The following HOMER1 variants were observed in gnomAD, a reference collection of about 807,000 sequenced individuals.
The protein encoded by HOMER1 is homer protein homolog 1.
A neutral mutation model predicts 48.9 loss-of-function variants in HOMER1; 3 were observed. The ratio of observed to expected loss-of-function variants is 0.06; its 90% confidence interval spans 0.03 to 0.16. HOMER1 has a LOEUF of 0.16. Ranked by LOEUF, HOMER1 falls within the 10% of genes least tolerant of loss-of-function variation. The pLI is 1.00. For missense variants in HOMER1, 247 were observed against 411.4 expected (o/e 0.60, Z 3.46); for synonymous variants, 134 against 146.4 (o/e 0.92, Z 0.61).
intron 8 of HOMER1, among the ~76,000 whole-genome samples, chr5:79,381,554 C>G (rs1178750222): frequency 6.6e-6 from 1 of 152,138 alleles, no homozygotes; most frequent in Non-Finnish European, 1.5e-5. Flanking sequence ...ATTATTGATT[C>G]TAAAGAAGCT....
At chr5:79,452,988 A>G (rs1751070452) in intron 2 of HOMER1, among the ~76,000 whole-genome samples, 1 of 152,218 alleles carries the variant, frequency 6.6e-6, no homozygotes, top group African/African-American at 2.4e-5. Flanking sequence ...TCATTCGTTT[A>G]TTCAACTTTA....
At position 79,447,649 on chromosome 5, in the gene HOMER1, A is replaced by T. The variant is rs71634975; in HGVS notation, c.295-504T>A. ...TAATATTTACTATTTTCACTAACTG[A>T]CATAACTAAAAATTTATTTCCGAAG... On this transcript the variant is annotated intron_variant, in intron 3 of 8. Transcript: ENST00000334082. 4.0e-3 allele frequency among the ~76,000 whole-genome samples: 602 copies of T among 152,332 alleles called. 2 individuals carry two copies. The highest frequency in any genetic ancestry group is 5.7e-3 in the Non-Finnish European group (387 of 68,022).
intron 8 of HOMER1, among the ~76,000 whole-genome samples, chr5:79,382,539 C>A (rs142750254): frequency 1.2e-4 from 18 of 152,226 alleles, no homozygotes; most frequent in Non-Finnish European, 2.5e-4. Context: ...AAACTGCTAT[C>A]CAAGCATACT....
Position 79,513,080 on chromosome 5 carries a change from C to A in HOMER1, c.-306G>T. The A allele has an allele frequency of 4.7e-6, 2 of 424,488 alleles. No individual in the cohort carries two copies. Among genetic ancestry groups the A allele is most frequent in the Non-Finnish European group, 4.2e-6 (1 of 237,566 alleles). The allele number at this position is 424,488 out of a possible 1,614,324, so 26.3% of individuals were successfully genotyped here. A position where few individuals can be genotyped will look rare whatever the true frequency, so the allele number is the denominator to read the frequency against. On this transcript the variant is annotated 5_prime_UTR_variant, in exon 1 of 9. Transcript: ENST00000334082. ...TCTACAAGTAGGGAAATGCAGAATC[C>A]GGCTTCACCGAGTCCTATAAAAAAT...
Position 79,409,428 on chromosome 5 carries a change from C to CAA in HOMER1, c.528-7375_528-7374dup, listed in dbSNP as rs34814720. Among the ~76,000 whole-genome samples the CAA allele has an allele frequency of 6.6e-3, 792 of 119,674 alleles. 8 individuals carry two copies. The highest frequency in any genetic ancestry group is 0.017 in the African/African-American group (573 of 34,542). The allele number at this position is 119,674 out of a possible 152,430, so 78.5% of individuals were successfully genotyped here. A position where few individuals can be genotyped will look rare whatever the true frequency, so the allele number is the denominator to read the frequency against. On this transcript the variant is annotated intron_variant, in intron 5 of 8. Coordinates refer to ENST00000334082, the MANE Select transcript of HOMER1 (RefSeq NM_004272.5). ...GCCTCGGCGACAGGGCAAGACGTCTCAAAAAAAAAAAAAAAAGGAGAAAAC... is the reference window on the plus strand; with the variant it reads ...GCCTCGGCGACAGGGCAAGACGTCTCAAAAAAAAAAAAAAAAAAGGAGAAAAC...
chr5:79,376,257 A>T, intron 8 of HOMER1, 60 bp from the exon 9 acceptor site: 1 of 1,236,570 alleles, frequency 8.1e-7, no homozygotes, highest in African/African-American at 1.5e-5. Context: ...AAACAATACA[A>T]CTCTCTGTTA....
At chr5:79,451,906 T>C (rs933212817) in intron 2 of HOMER1, among the ~76,000 whole-genome samples, 1 of 152,138 alleles carries the variant, frequency 6.6e-6, no homozygotes, top group Non-Finnish European at 1.5e-5. Context: ...TTCAAGCTGA[T>C]TTACCTGAAA....
At chr5:79,387,717 A>G (rs887714008) in intron 8 of HOMER1, among the ~76,000 whole-genome samples, 9 of 152,212 alleles carry the variant, frequency 5.9e-5, no homozygotes, top group Non-Finnish European at 8.8e-5. Context: ...TTTTAATAGA[A>G]CATACATTCT....
intron 5 of HOMER1, among the ~76,000 whole-genome samples, chr5:79,435,036 A>C (rs1052330975): frequency 6.6e-6 from 1 of 152,204 alleles, no homozygotes; most frequent in Non-Finnish European, 1.5e-5. Flanking sequence ...CCATTTTTTC[A>C]TAACTGTTGA....
intron 5 of HOMER1, among the ~76,000 whole-genome samples, chr5:79,403,954 T>G (rs1017257221): frequency 2.0e-5 from 3 of 152,176 alleles, no homozygotes; most frequent in African/African-American, 7.2e-5. Context: ...AAAGGAAAGC[T>G]CTTTTCTTAT....
chr5:79,392,799 A>G (rs1749283829), intron 8 of HOMER1, among the ~76,000 whole-genome samples: 1 of 152,116 alleles, frequency 6.6e-6, no homozygotes, highest in Non-Finnish European at 1.5e-5. Flanking sequence ...ATTCAAGTGT[A>G]CAATTTTTAC....
chr5:79,435,417 T>C (rs142713493), intron 5 of HOMER1, among the ~76,000 whole-genome samples: 4 of 152,206 alleles, frequency 2.6e-5, no homozygotes, highest in Non-Finnish European at 5.9e-5. Flanking sequence ...TTTTAGCACA[T>C]AGACATTCTA....
intron 7 of HOMER1, 74 bp downstream of exon 7, chr5:79,397,453 A>T: frequency 1.0e-6 from 1 of 957,674 alleles, no homozygotes; most frequent in Non-Finnish European, 1.6e-6. Flanking sequence ...AAATACTTTT[A>T]AATTTGACAT....
intron 8 of HOMER1, among the ~76,000 whole-genome samples, chr5:79,387,092 T>TCTC (rs1554056683): frequency 7.1e-6 from 1 of 140,080 alleles, no homozygotes; most frequent in African/African-American, 2.9e-5. Flanking sequence ...TCTCTCTCTC[T>TCTC]CTCTCTCTTT....
chr5:79,414,174 C>G (rs1041091261), intron 5 of HOMER1, among the ~76,000 whole-genome samples: 24 of 150,406 alleles, frequency 1.6e-4, no homozygotes, highest in African/African-American at 5.6e-4. Flanking sequence ...TCTGCCTCCC[C>G]CAGGCTCAGG....
chr5:79,419,706 C>A (rs1033217848), intron 5 of HOMER1, among the ~76,000 whole-genome samples: 3 of 151,994 alleles, frequency 2.0e-5, no homozygotes, highest in African/African-American at 4.8e-5. Flanking sequence ...AAATGTTAAT[C>A]TTTTCAGAGT....
At chr5:79,487,187 G>A (rs897736710) in intron 1 of HOMER1, among the ~76,000 whole-genome samples, 2 of 152,172 alleles carry the variant, frequency 1.3e-5, no homozygotes, top group Non-Finnish European at 2.9e-5. Context: ...GCTGAGGCAG[G>A]AGAATCGCTT....
At chr5:79,442,251 C>T (rs1750756802) in intron 4 of HOMER1, among the ~76,000 whole-genome samples, 1 of 152,078 alleles carries the variant, frequency 6.6e-6, no homozygotes, top group Admixed American at 6.5e-5. Context: ...TCAAAACTAA[C>T]AGATGCAACC....
chr5:79,454,714 T>TA (rs1392596927), intron 2 of HOMER1, among the ~76,000 whole-genome samples: 1 of 152,148 alleles, frequency 6.6e-6, no homozygotes, highest in Non-Finnish European at 1.5e-5. Context: ...TTAACCTAGT[T>TA]AAGGAGATAA....
Sources: gnomAD v4.1 joint callset for allele counts (sites outside exome capture counted in the v4.1 genomes callset) on GRCh38, gnomAD v4.1.1 for gene constraint, MANE v1.5 for transcripts, NCBI Gene and HGNC (gene_info 2026-07-23, HGNC 2026-07-21) for gene names.